RBFOX1: variants seen among roughly 807,000 people sequenced by gnomAD.
The protein encoded by RBFOX1 is RNA binding protein fox-1 homolog 1.
RBFOX1 carries 8 observed loss-of-function variants against 57.7 expected under a neutral mutation model. The ratio of observed to expected loss-of-function variants is 0.14; its 90% CI spans 0.08 to 0.25. The LOEUF is 0.25. Among genes scored for constraint, RBFOX1 ranks in the 10% least tolerant of loss-of-function variants. The probability of loss-of-function intolerance (pLI) is 1.00; values close to 1 mark genes in which losing one functional copy is unlikely to be tolerated. For missense variants in RBFOX1, 611 were observed against 548.5 expected (o/e 1.11, Z -1.14); for synonymous variants, 326 against 222.4 (o/e 1.47, Z -4.15).
At chr16:6,975,608 C>T (rs1368344177) in intron 3 of RBFOX1, among the ~76,000 whole-genome samples, 1 of 152,166 alleles carries the variant, frequency 6.6e-6, no homozygotes, top group African/African-American at 2.4e-5. Flanking sequence ...GAAAATTGAT[C>T]AGGTGTGTTT....
intron 3 of RBFOX1, among the ~76,000 whole-genome samples, chr16:6,984,326 T>C (rs779023958): frequency 3.3e-5 from 5 of 152,110 alleles, no homozygotes; most frequent in Non-Finnish European, 7.4e-5. Flanking sequence ...CTTTGATCTG[T>C]GAAATATGAT....
At chr16:6,973,443 A>G (rs1159069266) in intron 3 of RBFOX1, among the ~76,000 whole-genome samples, 1 of 152,170 alleles carries the variant, frequency 6.6e-6, no homozygotes, top group Non-Finnish European at 1.5e-5. Context: ...TATCAACAGA[A>G]TTACATGCAA....
intron 2 of RBFOX1, among the ~76,000 whole-genome samples, chr16:6,415,223 CAAGA>C (rs2093588712): frequency 2.3e-5 from 2 of 87,738 alleles, no homozygotes; most frequent in East Asian, 5.9e-4. Context: ...GCCTGGGTGA[CAAGA>C]AAGAAACTCT....
chr16:6,836,510 G>A (rs1009712363), intron 3 of RBFOX1, among the ~76,000 whole-genome samples: 8 of 152,152 alleles, frequency 5.3e-5, no homozygotes, highest in Non-Finnish European at 1.5e-5. Context: ...TTCCTTCTAC[G>A]TGAGTTAGCC....
chr16:5,883,982 G>A (rs2057832515), intron 4 of RBFOX1, among the ~76,000 whole-genome samples: 1 of 152,184 alleles, frequency 6.6e-6, no homozygotes. Context: ...TGAATGCTGA[G>A]ATCCCATTGA....
chr16:5,342,687 G>A (rs1440229322), intron 1 of RBFOX1, among the ~76,000 whole-genome samples: 2 of 152,104 alleles, frequency 1.3e-5, no homozygotes, highest in East Asian at 3.9e-4. Context: ...CATTGTGAAG[G>A]AAGCCTTGAG....
intron 13 of RBFOX1, 32 bp downstream of exon 13, chr16:7,665,000 G>A (rs539629033): frequency 1.3e-5 from 21 of 1,613,784 alleles, no homozygotes; most frequent in African/African-American, 4.0e-5. Flanking sequence ...TGCCATCCCC[G>A]TTTCCTCCTG....
At position 7,420,430 on chromosome 16, in the gene RBFOX1, G is replaced by T. The variant is rs1379517539; in HGVS notation, c.28-97717G>T. 2.0e-5 allele frequency among the ~76,000 whole-genome samples: 3 copies of T among 152,278 alleles called. No homozygotes were observed. The South Asian group carries it at 6.2e-4, about 32-fold the overall frequency. ...ACAGCAATAAAAACAGGAGCAAAAA[G>T]AGCAGCTTTTGTGAAGGACTCCGGC... On this transcript the variant is annotated intron_variant, in intron 4 of 15. Coordinates refer to ENST00000550418, the MANE Select transcript of RBFOX1 (RefSeq NM_018723.4).
At chr16:6,621,021 C>G (rs574783552) in intron 2 of RBFOX1, among the ~76,000 whole-genome samples, 2 of 152,308 alleles carry the variant, frequency 1.3e-5, no homozygotes, top group East Asian at 1.9e-4. Flanking sequence ...GAAGGAGAAT[C>G]TGATCCTTGC....
At chr16:7,484,646 T>G (rs1396712673) in intron 4 of RBFOX1, among the ~76,000 whole-genome samples, 2 of 152,150 alleles carry the variant, frequency 1.3e-5, no homozygotes, top group African/African-American at 4.8e-5. Context: ...GTATTTTTAG[T>G]AGAGACAAGG....
chr16:7,027,700 G>C (rs934001716), intron 3 of RBFOX1, among the ~76,000 whole-genome samples: 6 of 152,160 alleles, frequency 3.9e-5, no homozygotes, highest in African/African-American at 1.4e-4. Flanking sequence ...AAGAGGAATA[G>C]TCAGTTTGTT....
At chr16:6,214,255 C>T (rs2097316665) in intron 1 of RBFOX1, among the ~76,000 whole-genome samples, 2 of 152,020 alleles carry the variant, frequency 1.3e-5, no homozygotes, top group African/African-American at 2.4e-5. Flanking sequence ...TCTTCAGAAT[C>T]TTTAATATGC....
chr16:6,508,107 G>A (rs2096155292), intron 2 of RBFOX1, among the ~76,000 whole-genome samples: 1 of 152,268 alleles, frequency 6.6e-6, no homozygotes, highest in South Asian at 2.1e-4. Flanking sequence ...GCAAACTAAT[G>A]CAGGAGCAGA....
intron 4 of RBFOX1, among the ~76,000 whole-genome samples, chr16:7,091,428 A>G (rs879154837): frequency 6.6e-6 from 1 of 152,078 alleles, no homozygotes; most frequent in Non-Finnish European, 1.5e-5. Context: ...GAGAAGAGCA[A>G]CAAGTCAAGT....
chr16:5,532,025 C>T (rs1485699175), intron 2 of RBFOX1, among the ~76,000 whole-genome samples: 1 of 152,186 alleles, frequency 6.6e-6, no homozygotes, highest in Non-Finnish European at 1.5e-5. Flanking sequence ...ATCTTGAACT[C>T]CTGATCTCAA....
chr16:7,569,393 C>T (rs1032727587), intron 5 of RBFOX1, among the ~76,000 whole-genome samples: 1 of 152,120 alleles, frequency 6.6e-6, no homozygotes, highest in Non-Finnish European at 1.5e-5. Flanking sequence ...GGGCTCATGG[C>T]CCCTTTCCCC....
chr16:5,836,684 T>A (rs972829019), intron 3 of RBFOX1, among the ~76,000 whole-genome samples: 1 of 152,150 alleles, frequency 6.6e-6, no homozygotes. Flanking sequence ...GCGGGGGAGC[T>A]GTCCTGTGTG....
chr16:5,750,719 C>T (rs912033178), intron 3 of RBFOX1, among the ~76,000 whole-genome samples: 3 of 152,270 alleles, frequency 2.0e-5, no homozygotes, highest in African/African-American at 4.8e-5. Context: ...TGGAAAAGTG[C>T]AGTATTAGGG....
At chr16:5,547,041 C>A (rs975249479) in intron 2 of RBFOX1, among the ~76,000 whole-genome samples, 1 of 151,998 alleles carries the variant, frequency 6.6e-6, no homozygotes, top group African/African-American at 2.4e-5. Context: ...AAGTTAAGAC[C>A]ACAATGAGAT....
Sources: allele counts gnomAD v4.1 joint callset (sites outside exome capture counted in the v4.1 genomes callset), GRCh38; gene constraint gnomAD v4.1.1; transcripts MANE v1.5; gene names NCBI Gene and HGNC (gene_info 2026-07-23, HGNC 2026-07-21).